Variants in FBXO43 observed in about 807,000 individuals in gnomAD.
FBXO43 encodes F-box only protein 43.
In FBXO43, 22 loss-of-function variants were observed where a neutral mutation model predicts 56.7. The observed-to-expected ratio is 0.39, with a 90% CI of 0.28 to 0.55. The LOEUF (loss-of-function observed/expected upper bound fraction) is 0.55, where lower values mean the gene tolerates loss of function less well. FBXO43 is among the 20% of genes least tolerant of loss of function. The probability of loss-of-function intolerance (pLI) is 0.66; values close to 1 mark genes in which losing one functional copy is unlikely to be tolerated. For synonymous variants in FBXO43, 306 were observed against 294.5 expected, an observed-to-expected ratio of 1.04 and a Z score of -0.40; for missense variants, 733 against 814.9, an observed-to-expected ratio of 0.90 and a Z score of 1.22.
chr8:100,139,296 T>G (rs1814567555), intron 2 of FBXO43, among the ~76,000 whole-genome samples: 1 of 151,526 alleles, frequency 6.6e-6, no homozygotes, highest in South Asian at 2.1e-4. Flanking sequence ...GTAGTGGCCA[T>G]AAAAACAACA....
At chr8:100,136,085 C>A (rs1217511756) in intron 3 of FBXO43, among the ~76,000 whole-genome samples, 1 of 152,112 alleles carries the variant, frequency 6.6e-6, no homozygotes, top group Admixed American at 6.6e-5. Flanking sequence ...TTTTTTAAGT[C>A]TGTCCCTAGC....
Position 100,141,561 on chromosome 8 carries a change from C to G in FBXO43, c.693G>C (p.Lys231Asn). Residue 231 changes from lysine to asparagine, a missense_variant, in exon 2 of 5, where the codon AAG (lysine) becomes AAC (asparagine). Lys to Asn is a moderately conservative substitution (Grantham distance 94). Coordinates refer to ENST00000428847, the MANE Select transcript of FBXO43 (RefSeq NM_001029860.4). ...CTTTGGAATCATCAATTGTGGAAGT[C>G]TTTTGCTGAGAAAAATTAAGCCTCA... Reference protein sequence around the residue: ...QKLRLNFSQQKTSTIDDSKDD... With the variant: ...QKLRLNFSQQNTSTIDDSKDD... The G allele has an allele frequency of 6.2e-7, 1 of 1,611,560 alleles. No individual in the cohort carries two copies. The highest frequency in any genetic ancestry group is 8.5e-7 in the Non-Finnish European group (1 of 1,180,010).
upstream of FBXO43, among the ~76,000 whole-genome samples, chr8:100,146,930 C>T (rs1586357792): frequency 6.6e-6 from 1 of 152,352 alleles, no homozygotes; most frequent in East Asian, 1.9e-4. Flanking sequence ...TCACTGCAAC[C>T]TCCACCTCCC....
At chr8:100,136,708 A>G (rs1344625302) in intron 3 of FBXO43, among the ~76,000 whole-genome samples, 2 of 152,190 alleles carry the variant, frequency 1.3e-5, no homozygotes, top group South Asian at 2.1e-4. Context: ...CTGCTAACTC[A>G]TCATTCAGGT....
In FBXO43 at chr8:100,141,298, G is replaced by C. The variant is rs750255521; in HGVS notation, c.956C>G (p.Ser319Cys). The change falls in exon 2 of 5, where the codon TCT (serine) becomes TGT (cysteine). Residue 319 changes from serine to cysteine, a missense_variant. Transcript: ENST00000428847. ...NIRFNASQIL[S>C]PSPEVRGSIS... Reference sequence around the variant, plus strand: ...ACTGCCTCTCACTTCAGGTGAAGGAGAAAGTATTTGACTTGCGTTAAATCT... The same window carrying C: ...ACTGCCTCTCACTTCAGGTGAAGGACAAAGTATTTGACTTGCGTTAAATCT... 2.5e-6 allele frequency: 4 copies of C among 1,614,000 alleles called. No homozygotes were observed. The highest frequency in any genetic ancestry group is 3.4e-6 in the Non-Finnish European group (4 of 1,180,044).
Position 100,133,907 on chromosome 8 carries a change from A to C in FBXO43, c.2022T>G (p.Ala674=), listed in dbSNP as rs766873416. 6.2e-7 allele frequency: 1 copy of C among 1,614,184 alleles called. No homozygotes were observed. Among genetic ancestry groups the C allele is most frequent in the Non-Finnish European group, 8.5e-7 (1 of 1,180,024 alleles). ...GFDFCVLCLC[A]YHGSEECSRG... ...TACTACATTCTTCAGACCCATGATA[A>C]GCACACAGACATAACACACAAAAGT... Residue 674 remains alanine, a synonymous_variant, in exon 5 of 5, where the codon GCT becomes GCG. Transcript: ENST00000428847.
intron 1 of FBXO43, among the ~76,000 whole-genome samples, chr8:100,143,775 T>G (rs542405866): frequency 2.3e-4 from 35 of 152,322 alleles, no homozygotes; most frequent in South Asian, 8.3e-4. Context: ...AATTTTTAAT[T>G]TTTTTATTTT....
At chr8:100,150,143 C>T (rs1814892105), upstream of FBXO43, among the ~76,000 whole-genome samples, 1 of 152,168 alleles carries the variant, frequency 6.6e-6, no homozygotes, top group African/African-American at 2.4e-5. Context: ...TGACAGTAGC[C>T]TATCAGAGAA....
At chr8:100,138,572 A>G (rs1814544292) in intron 2 of FBXO43, among the ~76,000 whole-genome samples, 1 of 152,252 alleles carries the variant, frequency 6.6e-6, no homozygotes, top group Admixed American at 6.5e-5. Context: ...TACCAGGAAC[A>G]GTACTGCCAA....
intron 3 of FBXO43, 187 bp downstream of exon 3, chr8:100,137,378 C>T (rs1000088447): frequency 2.4e-5 from 12 of 502,588 alleles, no homozygotes; most frequent in Middle Eastern, 5.4e-4. Context: ...GTTCTTGATG[C>T]TATGTTGTTT....
At chr8:100,147,165 T>C (rs2132152153), upstream of FBXO43, among the ~76,000 whole-genome samples, 1 of 151,320 alleles carries the variant, frequency 6.6e-6, no homozygotes, top group Non-Finnish European at 1.5e-5. Flanking sequence ...GTTATTAAAT[T>C]CCAACTATGT....
upstream of FBXO43, among the ~76,000 whole-genome samples, chr8:100,148,824 C>A (rs946122247): frequency 6.6e-6 from 1 of 152,110 alleles, no homozygotes; most frequent in Non-Finnish European, 1.5e-5. Flanking sequence ...TCCAATAAAA[C>A]GTAATGGGAG....
intron 1 of FBXO43, among the ~76,000 whole-genome samples, chr8:100,144,023 T>G (rs1000646301): frequency 1.3e-5 from 2 of 152,186 alleles, no homozygotes; most frequent in Non-Finnish European, 2.9e-5. Context: ...CCACCCAACC[T>G]TGGCCTCCCA....
chr8:100,142,247 GA>G, intron 1 of FBXO43, 79 bp from the exon 2 acceptor site: 1 of 1,283,628 alleles, frequency 7.8e-7, no homozygotes, highest in Non-Finnish European at 1.0e-6. Context: ...TATTTGTTAT[GA>G]GTACAGATAA....
chr8:100,144,658 G>C (rs1039503102), intron 1 of FBXO43, among the ~76,000 whole-genome samples: 4 of 147,600 alleles, frequency 2.7e-5, no homozygotes, highest in African/African-American at 1.0e-4. Flanking sequence ...GCGGCCGGGC[G>C]CGGTGGCTCA....
intron 1 of FBXO43, among the ~76,000 whole-genome samples, chr8:100,142,625 T>C (rs1480692362): frequency 6.6e-6 from 1 of 152,166 alleles, no homozygotes; most frequent in African/African-American, 2.4e-5. Context: ...ATGTGTCAAA[T>C]AATGAGTGCT....
At chr8:100,147,607 C>T (rs1357716717), upstream of FBXO43, among the ~76,000 whole-genome samples, 1 of 152,160 alleles carries the variant, frequency 6.6e-6, no homozygotes, top group Non-Finnish European at 1.5e-5. Context: ...AAAGTCCACT[C>T]TGGTGGCAGA....
chr8:100,144,706 C>A (rs1814766939), intron 1 of FBXO43, among the ~76,000 whole-genome samples: 1 of 150,672 alleles, frequency 6.6e-6, no homozygotes, highest in South Asian at 2.1e-4. Flanking sequence ...CCGGGGCGGG[C>A]GGATCACGAG....
intron 3 of FBXO43, 166 bp downstream of exon 3, chr8:100,137,399 C>T (rs1814504830): frequency 1.8e-6 from 1 of 553,942 alleles, no homozygotes; most frequent in Admixed American, 3.5e-5. Flanking sequence ...ATTCCATTTA[C>T]AGACTGGGTG....
Sources: allele counts gnomAD v4.1 joint callset (sites outside exome capture counted in the v4.1 genomes callset), GRCh38; gene constraint gnomAD v4.1.1; transcripts MANE v1.5; gene names NCBI Gene and HGNC (gene_info 2026-07-23, HGNC 2026-07-21).